Variants in MTHFD1L observed in about 807,000 individuals in gnomAD.
The protein encoded by MTHFD1L is monofunctional C1-tetrahydrofolate synthase, mitochondrial.
Under a neutral mutation model 119.5 loss-of-function variants are expected in MTHFD1L, and 81 were observed. The observed-to-expected ratio is 0.68, with a 90% CI of 0.57 to 0.82. The LOEUF is 0.82. MTHFD1L is among the 40% of genes least tolerant of loss of function. The pLI is 0.00. For synonymous variants in MTHFD1L, 430 were observed against 475.2 expected (o/e 0.90, Z 1.24); for missense variants, 1,125 against 1,253.4 (o/e 0.90, Z 1.55).
rs558923797 is a variant in MTHFD1L at position 151,099,519 on chromosome 6, C to T, written c.*32-2007C>T. 34 of 1,586,112 alleles carry T rather than the reference C, an allele frequency of 2.1e-5. No individual in the cohort carries two copies. In the East Asian group the frequency reaches 2.5e-4, roughly 11 times the overall value. The stretch of plus-strand genomic sequence containing the variant: ...ATGGAGGTGGCAGCCATCTCCTCCT[C>T]GGCATCTTGGCCGCCCTCAGACCCC... On this transcript the variant is annotated intron_variant, in intron 27 of 27. Coordinates refer to ENST00000367321, the MANE Select transcript of MTHFD1L (RefSeq NM_015440.5).
intron 9 of MTHFD1L, among the ~76,000 whole-genome samples, chr6:150,921,503 C>T (rs939190006): frequency 1.3e-5 from 2 of 152,150 alleles, no homozygotes; most frequent in Non-Finnish European, 2.9e-5. Context: ...CTGCCCACCT[C>T]GGCCTCCCAA....
chr6:151,001,731 G>A (rs1780651690), intron 20 of MTHFD1L, among the ~76,000 whole-genome samples: 1 of 152,086 alleles, frequency 6.6e-6, no homozygotes, highest in Non-Finnish European at 1.5e-5. Flanking sequence ...TCCTGCCTGG[G>A]GTTGGGTACC....
At chr6:151,012,019 C>CAACAAAAAAAAAAAAAA (rs1340191391) in intron 21 of MTHFD1L, among the ~76,000 whole-genome samples, 1 of 58,840 alleles carries the variant, frequency 1.7e-5, no homozygotes, top group African/African-American at 5.8e-5. Context: ...ACAACAACAA[C>CAACAAAAAAAAAAAAAA]AAAAAAAAAA....
Position 151,001,770 on chromosome 6 carries a change from A to G in MTHFD1L, c.2126-8049A>G, listed in dbSNP as rs149884471. 2.0e-5 allele frequency among the ~76,000 whole-genome samples: 3 copies of G among 152,258 alleles called. No homozygotes were observed. In the East Asian group the frequency reaches 5.8e-4, roughly 29 times the overall value. On this transcript the variant is annotated intron_variant, in intron 20 of 27. Coordinates refer to ENST00000367321, the MANE Select transcript of MTHFD1L (RefSeq NM_015440.5). The stretch of plus-strand genomic sequence containing the variant: ...TCCAGGTGGAAGTGGTCCCTGGAGC[A>G]TCCTCTCTCTGAAGTGTTTCTTTGT...
rs1013378990 is a variant in MTHFD1L, at chr6:150,967,378, G to A, written c.2013+2341G>A. 5.4e-4 allele frequency among the ~76,000 whole-genome samples: 82 copies of A among 151,966 alleles called. 2 individuals are homozygous for A. The highest frequency in any genetic ancestry group is 1.1e-3 in the Admixed American group (17 of 15,270). Reference sequence around the variant, plus strand: ...CAGGCCTGCTCGCTGCTCCTCCTCCGCTTTGCTGGCTTCTCTGATGACCCC... The same window carrying A: ...CAGGCCTGCTCGCTGCTCCTCCTCCACTTTGCTGGCTTCTCTGATGACCCC... On this transcript the variant is annotated intron_variant, in intron 19 of 27. Coordinates refer to ENST00000367321, the MANE Select transcript of MTHFD1L (RefSeq NM_015440.5).
rs527404886 is a variant in MTHFD1L at position 150,892,980 on chromosome 6, C to T, written c.780+4999C>T. 9.9e-5 allele frequency among the ~76,000 whole-genome samples: 15 copies of T among 152,254 alleles called. No homozygotes were observed. In the South Asian group the frequency reaches 1.7e-3, roughly 17 times the overall value. On this transcript the variant is annotated intron_variant, in intron 7 of 27. Transcript: ENST00000367321. ...CTAGGCATGGGTTAGTGTCCTGGGG[C>T]ACCCAATCAGGACAGGACACCTGGC...
chr6:151,051,394 G>A (rs1174807953), intron 26 of MTHFD1L, among the ~76,000 whole-genome samples: 1 of 152,142 alleles, frequency 6.6e-6, no homozygotes, highest in Admixed American at 6.5e-5. Flanking sequence ...TCTTAGCAAA[G>A]GTCGCACACC....
chr6:150,890,613 C>T (rs183308097), intron 7 of MTHFD1L, among the ~76,000 whole-genome samples: 1 of 152,256 alleles, frequency 6.6e-6, no homozygotes, highest in East Asian at 1.9e-4. Flanking sequence ...GCTGGTGTAT[C>T]CGTACAGTTC....
chr6:150,917,022 A>G (rs570826327), intron 8 of MTHFD1L, among the ~76,000 whole-genome samples: 87 of 146,092 alleles, frequency 6.0e-4, no homozygotes, highest in Non-Finnish European at 1.2e-3. Context: ...TGGCCTCCCA[A>G]ATTGCTGGGA....
intron 4 of MTHFD1L, among the ~76,000 whole-genome samples, chr6:150,880,385 A>G (rs1052094001): frequency 2.6e-5 from 4 of 152,134 alleles, no homozygotes; most frequent in African/African-American, 9.7e-5. Context: ...GGCTTATTTC[A>G]CTTCATGTTA....
At chr6:150,873,194 A>C (rs1236831283) in intron 1 of MTHFD1L, among the ~76,000 whole-genome samples, 5 of 152,112 alleles carry the variant, frequency 3.3e-5, no homozygotes. Flanking sequence ...ATGCACCAGT[A>C]GTCCCAGCTA....
chr6:150,890,029 G>A (rs1160334308), intron 7 of MTHFD1L, among the ~76,000 whole-genome samples: 1 of 152,084 alleles, frequency 6.6e-6, no homozygotes, highest in Non-Finnish European at 1.5e-5. Context: ...GGTGGCACAT[G>A]CCTGTAATCC....
At chr6:150,914,101 G>A (rs796545094) in intron 8 of MTHFD1L, among the ~76,000 whole-genome samples, 1 of 152,188 alleles carries the variant, frequency 6.6e-6, no homozygotes, top group Non-Finnish European at 1.5e-5. Flanking sequence ...CTGCACTCCA[G>A]CCTGGGCGAC....
chr6:150,956,066 C>T lies in MTHFD1L; in HGVS notation c.1798C>T (p.Arg600Trp), dbSNP rs1344072575. 7 of 1,613,658 alleles carry T rather than the reference C, an allele frequency of 4.3e-6. No homozygotes were observed. Among genetic ancestry groups the T allele is most frequent in the African/African-American group, 1.3e-5 (1 of 74,930 alleles). ...GGGAAACACAGAGAAGGGCCATTAC[C>T]GGCAGGTAGGTGGTGCTTTCTTCCC... ...GQGNTEKGHY[R>W]QAQFDIAVAS... The change falls in exon 17 of 28, where the codon CGG (arginine) becomes TGG (tryptophan). Residue 600 changes from arginine to tryptophan, a missense_variant. Transcript: ENST00000367321.
At chr6:150,989,870 A>T (rs765292013) in intron 20 of MTHFD1L, among the ~76,000 whole-genome samples, 22 of 152,236 alleles carry the variant, frequency 1.4e-4, no homozygotes, top group African/African-American at 2.2e-4. Flanking sequence ...ATCATGCCAC[A>T]CTATACTATA....
At position 151,091,475 on chromosome 6, in the gene MTHFD1L, C is replaced by A. The variant is rs903561010; in HGVS notation, c.2848-992C>A. Among the ~76,000 whole-genome samples the A allele has an allele frequency of 1.8e-4, 27 of 152,218 alleles. No homozygotes were observed. The Middle Eastern group carries it at 0.01, about 58-fold the overall frequency. ...CCCAGCACACAGGGGGCTTCTGATGCAGGAGGAGAGTGTGCGGTTTGAAGA... is the reference window on the plus strand; with the variant it reads ...CCCAGCACACAGGGGGCTTCTGATGAAGGAGGAGAGTGTGCGGTTTGAAGA... On this transcript the variant is annotated intron_variant, in intron 26 of 27. Transcript: ENST00000367321.
At chr6:150,867,789 A>C (rs1404152427) in intron 1 of MTHFD1L, among the ~76,000 whole-genome samples, 1 of 143,130 alleles carries the variant, frequency 7.0e-6, no homozygotes. Flanking sequence ...TTATTCATAC[A>C]TATTCTTTTT....
intron 17 of MTHFD1L, 28 bp downstream of exon 17, chr6:150,956,099 G>A (rs1266159974): frequency 6.3e-7 from 1 of 1,597,902 alleles, no homozygotes; most frequent in Non-Finnish European, 8.6e-7. Context: ...CCCGGGTGTG[G>A]CTCTGTTCTT....
In MTHFD1L at chr6:151,016,865, C is replaced by T. The variant is rs534574277; in HGVS notation, c.2586+1172C>T. On this transcript the variant is annotated intron_variant, in intron 24 of 27. Coordinates refer to ENST00000367321, the MANE Select transcript of MTHFD1L (RefSeq NM_015440.5). ...TCGGCTCACTGCAACCTCCACCTCC[C>T]GGGTTCAAGCAATTCTTCTGCCTCA... 1.1e-4 allele frequency: 20 copies of T among 184,300 alleles called. No individual in the cohort carries two copies. In the South Asian group the frequency reaches 1.7e-3, roughly 16 times the overall value. 11.4% of individuals were successfully genotyped at this position (184,300 alleles called of 1,614,324 possible).
Sources: gnomAD v4.1 joint callset for allele counts (sites outside exome capture counted in the v4.1 genomes callset) on GRCh38, gnomAD v4.1.1 for gene constraint, MANE v1.5 for transcripts, NCBI Gene and HGNC (gene_info 2026-07-23, HGNC 2026-07-21) for gene names.